The following SATL1 variants were observed in gnomAD, a reference collection of about 807,000 sequenced individuals.
The protein encoded by SATL1 is spermidine/spermine N1-acetyl transferase like 1.
In SATL1, 47 loss-of-function variants were observed where a neutral mutation model predicts 51.8. The observed-to-expected ratio is 0.91, with a 90% CI of 0.72 to 1.16. The LOEUF (loss-of-function observed/expected upper bound fraction) is 1.16, where lower values mean the gene tolerates loss of function less well. Ranked by LOEUF, SATL1 falls within the 50% of genes most tolerant of loss-of-function variation. The pLI, the probability that SATL1 is intolerant of heterozygous loss-of-function variation, is 0.00. For missense variants in SATL1, 520 were observed against 526.4 expected, an observed-to-expected ratio of 0.99 and a Z score of 0.12; for synonymous variants, 176 against 182.4, an observed-to-expected ratio of 0.97 and a Z score of 0.28.
intron 3 of SATL1, among the ~76,000 whole-genome samples, chrX:85,105,121 G>C (rs1314330374): frequency 9.0e-6 from 1 of 111,355 alleles, no homozygotes; most frequent in Non-Finnish European, 1.9e-5. Flanking sequence ...TGGAGATTTT[G>C]ACTGGAATTG....
At chrX:85,220,158 G>A (rs1198176723) in intron 2 of SATL1, among the ~76,000 whole-genome samples, 1 of 110,578 alleles carries the variant, frequency 9.0e-6, no homozygotes, top group Non-Finnish European at 1.9e-5. Context: ...AAGCAGAAAG[G>A]AAAACAGAAT....
intron 2 of SATL1, among the ~76,000 whole-genome samples, chrX:85,192,730 G>A (rs181186565): frequency 2.2e-4 from 24 of 111,142 alleles, no homozygotes; most frequent in Non-Finnish European, 3.8e-4. Flanking sequence ...TCCATATTCC[G>A]CATTAGTTTT....
chrX:85,130,028 T>G (rs1432154672), intron 2 of SATL1, among the ~76,000 whole-genome samples: 2 of 112,091 alleles, frequency 1.8e-5, no homozygotes, highest in Admixed American at 9.5e-5. Context: ...CTTTTTGATG[T>G]GCTGCTGAAT....
intron 2 of SATL1, among the ~76,000 whole-genome samples, chrX:85,216,962 G>A (rs1336218217): frequency 2.7e-5 from 3 of 111,846 alleles, no homozygotes; most frequent in Admixed American, 1.9e-4. Context: ...TAGAAAGCCT[G>A]GGTCAGATAA....
At chrX:85,131,907 A>C (rs1048415219) in intron 2 of SATL1, among the ~76,000 whole-genome samples, 1 of 111,339 alleles carries the variant, frequency 9.0e-6, no homozygotes, top group African/African-American at 3.3e-5. Flanking sequence ...TTCACTTATG[A>C]AGCTTAGTTT....
At chrX:85,193,888 A>G (rs1011850077) in intron 2 of SATL1, among the ~76,000 whole-genome samples, 1 of 112,289 alleles carries the variant, frequency 8.9e-6, no homozygotes, top group Non-Finnish European at 1.9e-5. Context: ...CATGGTGTAT[A>G]TATGCCACAC....
chrX:85,092,392 C>T lies in SATL1; in HGVS notation c.2087G>A (p.Ter696=), dbSNP rs1924546087. 8.6e-7 allele frequency: 1 copy of T among 1,161,531 alleles called. No individual in the cohort carries two copies. The highest frequency in any genetic ancestry group is 1.8e-5 in the African/African-American group (1 of 55,397). The change falls in exon 8 of 8, where the codon TGA becomes TAA. Residue 696 remains the stop codon, a stop_retained_variant. Coordinates refer to ENST00000644105, the MANE Select transcript of SATL1 (RefSeq NM_001367857.2). The stretch of plus-strand genomic sequence containing the variant: ...GGATGAGTTGTTACAAAGCCTCTTT[C>T]ATTCTTCCCATGCCATGTCCAGGAG... ...EELLDMAWEE[*]
chrX:85,159,639 G>GT (rs201424740), intron 2 of SATL1, among the ~76,000 whole-genome samples: 1,280 of 111,142 alleles, frequency 0.012, 20 homozygotes, highest in African/African-American at 0.039. Context: ...ATTTTACCAT[G>GT]TTTTTTTTCA....
chrX:85,241,842 T>C (rs1438677899), intron 1 of SATL1, among the ~76,000 whole-genome samples: 2 of 112,191 alleles, frequency 1.8e-5, no homozygotes, highest in African/African-American at 6.5e-5. Flanking sequence ...AGGAGACTAT[T>C]ACTACTGTCC....
chrX:85,168,582 T>C (rs1245031704), intron 2 of SATL1, among the ~76,000 whole-genome samples: 3 of 111,471 alleles, frequency 2.7e-5, no homozygotes, highest in African/African-American at 9.8e-5. Context: ...GAAAGATTTC[T>C]ACAATGAGAA....
intron 2 of SATL1, among the ~76,000 whole-genome samples, chrX:85,198,574 T>C (rs989044468): frequency 9.0e-6 from 1 of 111,512 alleles, no homozygotes; most frequent in Non-Finnish European, 1.9e-5. Context: ...TCTCTGATGG[T>C]CAATGATGTT....
At chrX:85,125,519 AGTGT>A (rs72067285) in intron 2 of SATL1, among the ~76,000 whole-genome samples, 2,504 of 98,568 alleles carry the variant, frequency 0.025, 91 homozygotes, top group African/African-American at 0.088. Context: ...CACATAGGAA[AGTGT>A]GTGTGTGTGT....
intron 1 of SATL1, among the ~76,000 whole-genome samples, chrX:85,230,059 A>C (rs1233220528): frequency 8.9e-6 from 1 of 111,872 alleles, no homozygotes; most frequent in Non-Finnish European, 1.9e-5. Flanking sequence ...TTTTTTACAC[A>C]AATAAAAAAT....
intron 2 of SATL1, chrX:85,118,482 C>T (rs962689503): frequency 1.8e-5 from 2 of 109,747 alleles, no homozygotes; most frequent in African/African-American, 6.6e-5. Context: ...AATCTTGTTA[C>T]CTGGGATGGA....
At chrX:85,169,759 TC>T (rs1442278916) in intron 2 of SATL1, among the ~76,000 whole-genome samples, 1 of 111,673 alleles carries the variant, frequency 9.0e-6, no homozygotes, top group African/African-American at 3.2e-5. Flanking sequence ...GATTCAGCAA[TC>T]CCATTACTTG....
At chrX:85,173,810 A>C (rs1443299085) in intron 2 of SATL1, among the ~76,000 whole-genome samples, 2 of 109,272 alleles carry the variant, frequency 1.8e-5, no homozygotes, top group Non-Finnish European at 3.8e-5. Flanking sequence ...TCTAGGGTAC[A>C]TGTGTGCAAC....
chrX:85,191,915 C>T (rs1021850081), intron 2 of SATL1, among the ~76,000 whole-genome samples: 4 of 111,824 alleles, frequency 3.6e-5, no homozygotes, highest in African/African-American at 1.3e-4. Context: ...ACTATAAATA[C>T]TTAACAGTGT....
chrX:85,190,917 T>A (rs1927422050), intron 2 of SATL1, among the ~76,000 whole-genome samples: 1 of 95,258 alleles, frequency 1.0e-5, no homozygotes, highest in Non-Finnish European at 2.0e-5. Flanking sequence ...AATTGAACAA[T>A]GAGAACACTT....
At position 85,108,676 on chromosome X, in the gene SATL1, A is replaced by G. The variant is rs1420863146; in HGVS notation, c.293T>C (p.Val98Ala). ...GMLQQELSQL[V>A]LSKAGISQPD... ...TTGGCTTATGCCTGCTTTGCTCAGG[A>G]CTAGTTGGCTCAGTTCTTGTTGCAG... Residue 98 changes from valine to alanine, a missense_variant, in exon 3 of 8, where the codon GTC becomes GCC. Val to Ala is a moderately conservative substitution (Grantham distance 64, BLOSUM62 0). Transcript: ENST00000644105. The G allele has an allele frequency of 1.1e-5, 13 of 1,197,423 alleles. No individual in the cohort carries two copies. Among genetic ancestry groups the G allele is most frequent in the Non-Finnish European group, 1.5e-5 (13 of 888,948 alleles).
Sources: allele counts gnomAD v4.1 joint callset (sites outside exome capture counted in the v4.1 genomes callset), GRCh38; gene constraint gnomAD v4.1.1; transcripts MANE v1.5; gene names NCBI Gene and HGNC (gene_info 2026-07-23, HGNC 2026-07-21).